The following CAPS2 variants were observed in gnomAD, a reference collection of about 807,000 sequenced individuals.
CAPS2 encodes the protein calcyphosin-2.
Under a neutral mutation model 86.5 loss-of-function variants are expected in CAPS2, and 98 were observed. The observed-to-expected ratio is 1.13, with a 90% CI of 0.96 to 1.34. The LOEUF is 1.34. Among genes scored for constraint, CAPS2 ranks in the 40% most tolerant of loss-of-function variants. CAPS2 has a pLI of 0.00. For missense variants in CAPS2, 729 were observed against 686.8 expected (o/e 1.06, Z -0.69); for synonymous variants, 210 against 225.1 (o/e 0.93, Z 0.60).
chr12:75,332,478 A>G (rs753527850), upstream of CAPS2, among the ~76,000 whole-genome samples: 3 of 152,188 alleles, frequency 2.0e-5, no homozygotes, highest in Non-Finnish European at 4.4e-5. Flanking sequence ...AACACCTTCT[A>G]TCTTCAAATA....
At chr12:75,386,953 A>G (rs977415995) in intron 1 of CAPS2, among the ~76,000 whole-genome samples, 6 of 152,260 alleles carry the variant, frequency 3.9e-5, no homozygotes, top group African/African-American at 1.2e-4. Context: ...AAAAGTATAA[A>G]CTCCCAGAAG....
At chr12:75,292,855 T>C (rs937565290) in intron 12 of CAPS2, among the ~76,000 whole-genome samples, 13 of 151,138 alleles carry the variant, frequency 8.6e-5, no homozygotes, top group Non-Finnish European at 1.8e-4. Flanking sequence ...ACTGTAAGCA[T>C]ATGGGACCCT....
intron 7 of CAPS2, chr12:75,306,207 G>A: frequency 1.4e-6 from 1 of 719,672 alleles, no homozygotes. Flanking sequence ...AGCAGCTGGT[G>A]TTCCCGGGCC....
chr12:75,291,680 T>C (rs2035994199), intron 13 of CAPS2, 64 bp downstream of exon 13: 1 of 737,950 alleles, frequency 1.4e-6, no homozygotes, highest in Admixed American at 2.5e-5. Context: ...GAAAATGCTG[T>C]TTTACTGATT....
exon 3 of CAPS2, chr12:75,323,206 A>C: frequency 6.5e-7 from 1 of 1,544,610 alleles, no homozygotes; most frequent in Non-Finnish European, 8.7e-7. Context: ...AGGCTTCCCA[A>C]ATCAAGTCGT....
At chr12:75,287,225 A>ATC (rs748050998) in intron 14 of CAPS2, among the ~76,000 whole-genome samples, 26 of 147,796 alleles carry the variant, frequency 1.8e-4, no homozygotes, top group South Asian at 6.4e-4. Flanking sequence ...AGAAAATGGA[A>ATC]TCTCTCTCTC....
rs369933494 is a variant in CAPS2 at position 75,307,531 on chromosome 12, T to G, written c.660-2655A>C. On this transcript the variant is annotated intron_variant, in intron 7 of 16. Transcript: ENST00000393284. ...ATAGTTACAATAATATATAGTACAT[T>G]TTAAAGTAGCTAGGAGATAATAATT... Among the ~76,000 whole-genome samples, 11 of 152,280 alleles carry G rather than the reference T, an allele frequency of 7.2e-5. No homozygotes were observed. The South Asian group carries it at 1.0e-3, about 14-fold the overall frequency.
intron 15 of CAPS2, among the ~76,000 whole-genome samples, chr12:75,284,389 A>T (rs1442416317): frequency 6.6e-6 from 1 of 152,188 alleles, no homozygotes; most frequent in Non-Finnish European, 1.5e-5. Flanking sequence ...TGGCTACCAA[A>T]ATCCAAGTAA....
At chr12:75,329,900 G>A, upstream of CAPS2, 1 of 1,538,650 alleles carries the variant, frequency 6.5e-7, no homozygotes, top group Non-Finnish European at 8.8e-7. Flanking sequence ...CAGGCGAGGG[G>A]CACAAGAGAC....
intron 11 of CAPS2, among the ~76,000 whole-genome samples, chr12:75,294,526 G>T (rs1329978724): frequency 6.6e-6 from 1 of 152,174 alleles, no homozygotes; most frequent in East Asian, 1.9e-4. Context: ...CTGTGAGAGG[G>T]TGGGAGCCTA....
chr12:75,370,513 C>A (rs2044291810), intron 1 of CAPS2: 1 of 167,822 alleles, frequency 6.0e-6, no homozygotes, highest in African/African-American at 2.4e-5. Context: ...CCTTAGATAC[C>A]AATAGTTTCC....
intron 7 of CAPS2, chr12:75,306,378 G>T (rs147243602): frequency 3.8e-5 from 16 of 417,960 alleles, no homozygotes; most frequent in Non-Finnish European, 7.1e-5. Context: ...TCTGGAGGCC[G>T]GTGAATGGTT....
At chr12:75,358,865 CATATATA>C (rs2043345835) in intron 1 of CAPS2, among the ~76,000 whole-genome samples, 1 of 131,188 alleles carries the variant, frequency 7.6e-6, no homozygotes, top group South Asian at 2.2e-4. Context: ...ATGGTTTAAA[CATATATA>C]ATATATAATT....
upstream of CAPS2, chr12:75,334,354 C>T (rs2041555858): frequency 2.4e-6 from 1 of 419,816 alleles, no homozygotes; most frequent in Non-Finnish European, 3.3e-6. Flanking sequence ...CTCGACTGGC[C>T]CATTGTCAGC....
upstream of CAPS2, among the ~76,000 whole-genome samples, chr12:75,329,271 C>T (rs2041073957): frequency 6.6e-6 from 1 of 152,116 alleles, no homozygotes; most frequent in Non-Finnish European, 1.5e-5. Flanking sequence ...GAAACCTATG[C>T]CAAGGGTTGT....
intron 1 of CAPS2, among the ~76,000 whole-genome samples, chr12:75,340,309 G>A (rs764907423): frequency 7.2e-5 from 11 of 151,756 alleles, no homozygotes; most frequent in East Asian, 1.9e-4. Context: ...TTTCCTCTGC[G>A]TAGATTTTTG....
chr12:75,322,146 C>T (rs1021692333), intron 4 of CAPS2, among the ~76,000 whole-genome samples: 8 of 152,126 alleles, frequency 5.3e-5, no homozygotes, highest in Admixed American at 5.2e-4. Flanking sequence ...AACCATTTTG[C>T]TGCCACTCAG....
chr12:75,331,115 T>A (rs547437850), upstream of CAPS2, among the ~76,000 whole-genome samples: 10 of 152,230 alleles, frequency 6.6e-5, no homozygotes, highest in South Asian at 2.1e-3. Context: ...CTGTACACAA[T>A]ATCTTGGCAT....
chr12:75,298,049 C>T (rs1013275441), intron 11 of CAPS2, among the ~76,000 whole-genome samples: 1 of 152,158 alleles, frequency 6.6e-6, no homozygotes. Flanking sequence ...ACTTACTGTT[C>T]CATCTACAGA....
Sources: gnomAD v4.1 joint callset for allele counts (sites outside exome capture counted in the v4.1 genomes callset) on GRCh38, gnomAD v4.1.1 for gene constraint, MANE v1.5 for transcripts, NCBI Gene and HGNC (gene_info 2026-07-23, HGNC 2026-07-21) for gene names.